The following EPHA3 variants were observed in gnomAD, a reference collection of about 807,000 sequenced individuals.
EPHA3 encodes the protein ephrin type-A receptor 3.
EPHA3 carries 42 observed loss-of-function variants against 107.1 expected under a neutral mutation model. That is an observed-to-expected ratio of 0.39 (90% CI 0.31 to 0.51). The LOEUF is 0.51. Ranked by LOEUF, EPHA3 falls within the 20% of genes least tolerant of loss-of-function variation. EPHA3 has a pLI of 0.78. For missense variants in EPHA3, 1,183 were observed against 1,211.2 expected (o/e 0.98, Z 0.35); for synonymous variants, 461 against 424.8 (o/e 1.09, Z -1.05).
At chr3:89,326,021 G>A (rs546664069) in intron 3 of EPHA3, among the ~76,000 whole-genome samples, 59 of 151,056 alleles carry the variant, frequency 3.9e-4, no homozygotes, top group Non-Finnish European at 6.9e-4. Context: ...TAAAGATTTT[G>A]TTTTAAATAA....
chr3:89,350,290 A>G (rs1198229436), intron 5 of EPHA3, among the ~76,000 whole-genome samples: 9 of 149,704 alleles, frequency 6.0e-5, no homozygotes, highest in Admixed American at 6.0e-4. Context: ...ACATAGTCCC[A>G]TATTTCTTGG....
At chr3:89,447,917 C>CA (rs1709908345) in intron 13 of EPHA3, among the ~76,000 whole-genome samples, 2 of 152,134 alleles carry the variant, frequency 1.3e-5, no homozygotes, top group South Asian at 4.1e-4. Context: ...AATCCAGTGG[C>CA]ATGCTATGAG....
intron 1 of EPHA3, among the ~76,000 whole-genome samples, chr3:89,115,387 T>C (rs1410300196): frequency 1.3e-5 from 2 of 152,122 alleles, no homozygotes; most frequent in Non-Finnish European, 2.9e-5. Context: ...AAGCCCGTGT[T>C]TGACTGACAC....
At chr3:89,440,000 G>T (rs1440951409) in intron 13 of EPHA3, among the ~76,000 whole-genome samples, 1 of 152,030 alleles carries the variant, frequency 6.6e-6, no homozygotes, top group African/African-American at 2.4e-5. Flanking sequence ...GATCTCAAAA[G>T]TTCGAAGAAT....
intron 3 of EPHA3, among the ~76,000 whole-genome samples, chr3:89,297,044 A>G (rs1192433464): frequency 6.6e-6 from 1 of 152,192 alleles, no homozygotes; most frequent in East Asian, 1.9e-4. Flanking sequence ...ACTGCTCAGG[A>G]TTGGGCTTTG....
chr3:89,386,739 C>G (rs576607488), intron 5 of EPHA3, among the ~76,000 whole-genome samples: 1 of 152,308 alleles, frequency 6.6e-6, no homozygotes, highest in Admixed American at 6.5e-5. Context: ...ACACTCAACA[C>G]CAGCCCATGA....
At chr3:89,264,820 T>A (rs1490830802) in intron 3 of EPHA3, among the ~76,000 whole-genome samples, 1 of 152,140 alleles carries the variant, frequency 6.6e-6, no homozygotes, top group East Asian at 1.9e-4. Flanking sequence ...TGAGTTAAAA[T>A]AATGTCATGG....
intron 3 of EPHA3, among the ~76,000 whole-genome samples, chr3:89,293,025 A>AT (rs1208463482): frequency 9.2e-5 from 14 of 152,014 alleles, no homozygotes; most frequent in East Asian, 5.8e-4. Context: ...AGTCTTTTTA[A>AT]TTTTTTGCCA....
intron 3 of EPHA3, among the ~76,000 whole-genome samples, chr3:89,235,177 G>A (rs577415352): frequency 1.4e-3 from 206 of 151,536 alleles, no homozygotes; most frequent in Non-Finnish European, 2.4e-3. Flanking sequence ...CCACCTCGAC[G>A]TCCCAAAGTG....
intron 2 of EPHA3, among the ~76,000 whole-genome samples, chr3:89,208,462 G>GAAAGAAAGACAGAAAGAA (rs1706173862): frequency 1.9e-5 from 2 of 104,460 alleles, no homozygotes; most frequent in African/African-American, 9.5e-5. Context: ...AAGAAAGAAA[G>GAAAGAAAGACAGAAAGAA]AAAGAAAGAA....
At chr3:89,249,638 T>G (rs1248960119) in intron 3 of EPHA3, among the ~76,000 whole-genome samples, 1 of 152,082 alleles carries the variant, frequency 6.6e-6, no homozygotes, top group African/African-American at 2.4e-5. Context: ...TTTTTGTATT[T>G]TTTGTAGAGA....
intron 13 of EPHA3, among the ~76,000 whole-genome samples, chr3:89,442,393 A>G (rs956996572): frequency 1.3e-5 from 2 of 152,138 alleles, no homozygotes; most frequent in Non-Finnish European, 2.9e-5. Flanking sequence ...CATGTGGATT[A>G]CTTTCCCTTG....
intron 3 of EPHA3, among the ~76,000 whole-genome samples, chr3:89,223,969 G>T (rs1704443139): frequency 6.6e-6 from 1 of 151,944 alleles, no homozygotes; most frequent in African/African-American, 2.4e-5. Context: ...TTCTTTCAAT[G>T]CCTGGTTCAA....
At chr3:89,122,121 C>T (rs1260247744) in intron 1 of EPHA3, among the ~76,000 whole-genome samples, 1 of 152,142 alleles carries the variant, frequency 6.6e-6, no homozygotes, top group Non-Finnish European at 1.5e-5. Flanking sequence ...TTGAAGAGCT[C>T]TGTGTAGTCC....
intron 16 of EPHA3, among the ~76,000 whole-genome samples, chr3:89,473,970 C>T (rs2107576612): frequency 6.6e-6 from 1 of 151,968 alleles, no homozygotes; most frequent in African/African-American, 2.4e-5. Context: ...TTAAATAAAC[C>T]CTTTAGTCCC....
intron 1 of EPHA3, among the ~76,000 whole-genome samples, chr3:89,124,717 A>C (rs1036163724): frequency 7.9e-5 from 12 of 152,050 alleles, no homozygotes; most frequent in Admixed American, 6.5e-4. Flanking sequence ...TGGTATTTGA[A>C]CATTACAGCA....
chr3:89,304,753 G>C (rs572465319), intron 3 of EPHA3, among the ~76,000 whole-genome samples: 1 of 152,008 alleles, frequency 6.6e-6, no homozygotes, highest in Non-Finnish European at 1.5e-5. Context: ...ATGATAGTTT[G>C]TCTATTTCCT....
At chr3:89,231,479 C>G in intron 3 of EPHA3, among the ~76,000 whole-genome samples, 1 of 152,108 alleles carries the variant, frequency 6.6e-6, no homozygotes, top group East Asian at 1.9e-4. Context: ...TTCCTTCTTG[C>G]TTCCTTCCCT....
intron 2 of EPHA3, among the ~76,000 whole-genome samples, chr3:89,206,079 T>C (rs1576229483): frequency 6.6e-6 from 1 of 152,186 alleles, no homozygotes; most frequent in African/African-American, 2.4e-5. Flanking sequence ...TAGAGACTTG[T>C]TGTTTTCGCA....
Sources: allele counts gnomAD v4.1 joint callset (sites outside exome capture counted in the v4.1 genomes callset), GRCh38; gene constraint gnomAD v4.1.1; transcripts MANE v1.5; gene names NCBI Gene and HGNC (gene_info 2026-07-23, HGNC 2026-07-21).